The following SLC4A4 variants were observed in gnomAD, a reference collection of about 807,000 sequenced individuals.
SLC4A4 encodes electrogenic sodium bicarbonate cotransporter 1.
In SLC4A4, 27 loss-of-function variants were observed where a neutral mutation model predicts 111.5. That is an observed-to-expected ratio of 0.24 (90% CI 0.18 to 0.33). The LOEUF is 0.33. SLC4A4 is among the 10% of genes least tolerant of loss of function. The pLI is 1.00. For synonymous variants in SLC4A4, 443 were observed against 463.4 expected, an observed-to-expected ratio of 0.96 and a Z score of 0.57; for missense variants, 909 against 1,315.5, an observed-to-expected ratio of 0.69 and a Z score of 4.78.
At chr4:71,096,007 A>G (rs552704231) in intron 2 of SLC4A4, among the ~76,000 whole-genome samples, 1 of 152,268 alleles carries the variant, frequency 6.6e-6, no homozygotes, top group East Asian at 1.9e-4. Flanking sequence ...GAGAAGGGTA[A>G]AATGGAAGGC....
At chr4:71,151,783 G>C (rs753984536) in intron 2 of SLC4A4, among the ~76,000 whole-genome samples, 1 of 151,300 alleles carries the variant, frequency 6.6e-6, no homozygotes, top group African/African-American at 2.4e-5. Context: ...AATTAAGGCC[G>C]GGCACGGTGA....
At chr4:71,127,135 T>C (rs116441145) in intron 2 of SLC4A4, among the ~76,000 whole-genome samples, 4,312 of 152,290 alleles carry the variant, frequency 0.028, 81 homozygotes, top group Middle Eastern at 0.058. Context: ...CGTATTAACA[T>C]GAAGGGAAGT....
chr4:71,187,449 C>A, intron 1 of SLC4A4, 48 bp downstream of exon 1: 1 of 152,310 alleles, frequency 6.6e-6, no homozygotes, highest in South Asian at 2.0e-4. Flanking sequence ...TGGGGTCCCT[C>A]GCTCCAAGGC....
chr4:71,081,490 A>G (rs1299931040), intron 1 of SLC4A4, among the ~76,000 whole-genome samples: 1 of 152,116 alleles, frequency 6.6e-6, no homozygotes, highest in African/African-American at 2.4e-5. Context: ...GCTGCTTTGG[A>G]GTAGCTCTTA....
intron 2 of SLC4A4, among the ~76,000 whole-genome samples, chr4:71,135,635 ATTG>A (rs1743824285): frequency 6.6e-6 from 1 of 152,132 alleles, no homozygotes; most frequent in African/African-American, 2.4e-5. Context: ...AATACAATAC[ATTG>A]TTATTAACTA....
chr4:71,086,601 GT>G (rs1166950585), intron 1 of SLC4A4, among the ~76,000 whole-genome samples: 2 of 151,996 alleles, frequency 1.3e-5, no homozygotes, highest in East Asian at 3.8e-4. Flanking sequence ...TTTATTGAGA[GT>G]TTTTAGCATG....
At chr4:71,231,671 A>T (rs972274089) in intron 1 of SLC4A4, among the ~76,000 whole-genome samples, 1 of 152,168 alleles carries the variant, frequency 6.6e-6, no homozygotes. Flanking sequence ...TTCCAAATCT[A>T]TTCTGAACTT....
rs754648234 is a variant in SLC4A4, at chr4:71,497,662, A to C, written c.2136A>C (p.Lys712Asn). 3 of 1,613,512 alleles carry C rather than the reference A, an allele frequency of 1.9e-6. No individual in the cohort carries two copies. In the South Asian group the frequency reaches 3.3e-5, roughly 18 times the overall value. Residue 712 changes from lysine (K) to asparagine (N), a missense_variant, in exon 16 of 26, where the codon AAA (lysine) becomes AAC (asparagine). By Grantham distance (94) the Lys-to-Asn change is moderately conservative. Transcript: ENST00000264485. ...GTYTSSMALK[K>N]FKTSPYFPTT... ...ACACCTCTTCCATGGCTCTGAAAAAATTCAAAACTAGTCCTTATTTTCCAA... is the reference window on the plus strand; with the variant it reads ...ACACCTCTTCCATGGCTCTGAAAAACTTCAAAACTAGTCCTTATTTTCCAA...
chr4:71,159,977 T>C (rs975540520), intron 2 of SLC4A4, among the ~76,000 whole-genome samples: 1 of 152,210 alleles, frequency 6.6e-6, no homozygotes, highest in Non-Finnish European at 1.5e-5. Flanking sequence ...TGTGTATTTC[T>C]GCAATTTGGA....
At chr4:71,117,523 T>A (rs1743301096) in intron 2 of SLC4A4, among the ~76,000 whole-genome samples, 1 of 152,210 alleles carries the variant, frequency 6.6e-6, no homozygotes, top group South Asian at 2.1e-4. Context: ...AGGTTTAAAA[T>A]GACCTAGTGA....
At chr4:71,405,963 T>C (rs898483211) in intron 7 of SLC4A4, among the ~76,000 whole-genome samples, 5 of 110,242 alleles carry the variant, frequency 4.5e-5, no homozygotes, top group East Asian at 2.7e-4. Context: ...TTGCTTTGAC[T>C]GAAGATGTTG....
At chr4:71,207,051 G>A (rs1578594875) in intron 1 of SLC4A4, among the ~76,000 whole-genome samples, 2 of 152,198 alleles carry the variant, frequency 1.3e-5, no homozygotes, top group East Asian at 3.9e-4. Flanking sequence ...AATCTTATAA[G>A]GTTGTAATGG....
At chr4:71,151,578 G>A (rs986320051) in intron 2 of SLC4A4, among the ~76,000 whole-genome samples, 2 of 151,128 alleles carry the variant, frequency 1.3e-5, no homozygotes, top group Admixed American at 1.3e-4. Context: ...CAACTTTTTA[G>A]GCCTTTTCTC....
intron 16 of SLC4A4, among the ~76,000 whole-genome samples, chr4:71,516,378 T>C (rs1047401532): frequency 1.3e-5 from 2 of 152,160 alleles, no homozygotes. Context: ...ATTACAGGCG[T>C]GAGCCACCGC....
rs199512544 is a variant in SLC4A4, at chr4:71,472,678, A to C, written c.1632-21A>C. On this transcript the variant is annotated intron_variant, in intron 13 of 25. Coordinates refer to ENST00000264485, the MANE Select transcript of SLC4A4 (RefSeq NM_001098484.3). ...TGTTCCAAGGAGGAGGAATCTAAAC[A>C]TTTTTCTTTCTTTTTTCCAGGGACA... 3.8e-3 allele frequency: 6,083 copies of C among 1,611,342 alleles called. 27 individuals carry two copies. Among genetic ancestry groups the C allele is most frequent in the Non-Finnish European group, 4.4e-3 (5,146 of 1,178,252 alleles).
chr4:71,083,079 T>C (rs1360281975), intron 1 of SLC4A4, among the ~76,000 whole-genome samples: 1 of 151,862 alleles, frequency 6.6e-6, no homozygotes, highest in African/African-American at 2.4e-5. Flanking sequence ...TCTTCAACTC[T>C]TGACCTCAGG....
intron 4 of SLC4A4, among the ~76,000 whole-genome samples, chr4:71,348,251 T>C (rs1225963844): frequency 2.6e-5 from 4 of 151,982 alleles, no homozygotes; most frequent in East Asian, 1.9e-4. Context: ...TCGTTTTTTT[T>C]CTCCCAGTTC....
intron 3 of SLC4A4, among the ~76,000 whole-genome samples, chr4:71,302,955 A>C (rs1474069754): frequency 6.6e-6 from 1 of 152,124 alleles, no homozygotes; most frequent in Admixed American, 6.6e-5. Flanking sequence ...AGACTTTTTC[A>C]CTTTTTGTAG....
intron 16 of SLC4A4, among the ~76,000 whole-genome samples, chr4:71,518,312 G>A (rs1476734946): frequency 2.6e-5 from 4 of 152,118 alleles, no homozygotes; most frequent in Admixed American, 2.6e-4. Context: ...TGCTGAAGTG[G>A]GCCTGGATCC....
Sources: gnomAD v4.1 joint callset for allele counts (sites outside exome capture counted in the v4.1 genomes callset) on GRCh38, gnomAD v4.1.1 for gene constraint, MANE v1.5 for transcripts, NCBI Gene and HGNC (gene_info 2026-07-23, HGNC 2026-07-21) for gene names.